CARF: variants seen among roughly 807,000 people sequenced by gnomAD.
CARF encodes the protein calcium responsive transcription factor, also known as calcium-responsive transcription factor.
A neutral mutation model predicts 82.0 loss-of-function variants in CARF; 57 were observed. The ratio of observed to expected loss-of-function variants is 0.70; its 90% CI spans 0.56 to 0.87. CARF has a LOEUF of 0.87. Among genes scored for constraint, CARF ranks in the 40% least tolerant of loss-of-function variants. The pLI, the probability that CARF is intolerant of heterozygous loss-of-function variation, is 0.00. For synonymous variants in CARF, 268 were observed against 290.1 expected, an observed-to-expected ratio of 0.92 and a Z score of 0.77; for missense variants, 771 against 855.8, an observed-to-expected ratio of 0.90 and a Z score of 1.24.
intron 2 of CARF, among the ~76,000 whole-genome samples, chr2:202,920,966 C>A (rs776078077): frequency 5.9e-5 from 9 of 152,024 alleles, no homozygotes; most frequent in Non-Finnish European, 1.5e-5. Context: ...TTTTAAAAAT[C>A]AGGATAATCA....
At chr2:202,944,356 A>G (rs893972839) in intron 5 of CARF, among the ~76,000 whole-genome samples, 9 of 152,176 alleles carry the variant, frequency 5.9e-5, no homozygotes, top group South Asian at 4.1e-4. Flanking sequence ...ATTTTCTACA[A>G]TAAATATTTT....
At chr2:202,961,988 T>C (rs1191861047) in intron 9 of CARF, 1 of 153,038 alleles carries the variant, frequency 6.5e-6, no homozygotes, top group Non-Finnish European at 1.5e-5. Flanking sequence ...TTAGACTAGT[T>C]AGAGCCCCAA....
chr2:202,949,089 AC>A (rs2058635862), intron 5 of CARF, among the ~76,000 whole-genome samples: 2 of 152,196 alleles, frequency 1.3e-5, no homozygotes, highest in Admixed American at 1.3e-4. Flanking sequence ...TAATCCCAGC[AC>A]TTTGGGAGGC....
At chr2:202,976,764 G>A (rs1299451033) in intron 13 of CARF, among the ~76,000 whole-genome samples, 1 of 142,278 alleles carries the variant, frequency 7.0e-6, no homozygotes, top group Non-Finnish European at 1.5e-5. Flanking sequence ...CAGCCAGAGT[G>A]CATTCACACA....
chr2:202,946,167 C>T (rs1344729827), intron 5 of CARF, among the ~76,000 whole-genome samples: 1 of 151,768 alleles, frequency 6.6e-6, no homozygotes, highest in Non-Finnish European at 1.5e-5. Flanking sequence ...TCATATGGAA[C>T]CAAAAAAGAG....
intron 9 of CARF, among the ~76,000 whole-genome samples, chr2:202,966,583 G>A (rs1030485778): frequency 6.6e-6 from 1 of 152,034 alleles, no homozygotes; most frequent in African/African-American, 2.4e-5. Flanking sequence ...GGTGGCACAC[G>A]CCTATAGTCC....
In CARF at chr2:202,914,600, G is replaced by A. The variant is rs547964682; in HGVS notation, c.-330+1498G>A. 4.9e-3 allele frequency among the ~76,000 whole-genome samples: 745 copies of A among 152,076 alleles called. 5 individuals carry two copies. Among genetic ancestry groups the A allele is most frequent in the Non-Finnish European group, 7.8e-3 (530 of 67,976 alleles). On this transcript the variant is annotated intron_variant, in intron 1 of 16. Transcript: ENST00000438828. ...TTGAGACCAGCCTGGCCAACATGGT[G>A]AAACCCCGTCTCTGCTAAAAATACA...
rs959313612 is a variant in CARF at position 202,951,422 on chromosome 2, C to T, written c.307-1137C>T. On this transcript the variant is annotated intron_variant, in intron 5 of 16. Transcript: ENST00000438828. Reference sequence around the variant, plus strand: ...ACCTAGCAAAAGAGGAGTCTGGGAACGTGGGTTGGAATGATTAAGGATTGT... The same window carrying T: ...ACCTAGCAAAAGAGGAGTCTGGGAATGTGGGTTGGAATGATTAAGGATTGT... Among the ~76,000 whole-genome samples, 3 of 152,068 alleles carry T rather than the reference C, an allele frequency of 2.0e-5. No individual in the cohort carries two copies. In the South Asian group the frequency reaches 6.2e-4, roughly 32 times the overall value.
chr2:202,917,021 T>C (rs1243935072), intron 1 of CARF, among the ~76,000 whole-genome samples: 1 of 151,882 alleles, frequency 6.6e-6, no homozygotes, highest in Admixed American at 6.6e-5. Flanking sequence ...CCATCCCGGC[T>C]AACACGGTGA....
At position 202,986,868 on chromosome 2, in the gene CARF, G is replaced by GTATGTATA. The variant is rs1491098285; in HGVS notation, c.*3247_*3248insGTATATAT. On this transcript the variant is annotated 3_prime_UTR_variant, in exon 17 of 17. Coordinates refer to ENST00000438828, the MANE Select transcript of CARF (RefSeq NM_024744.17). ...AAAGAGGTTTAAAAAATGTCTGTGC[G>GTATGTATA]TATATATATATATATATATATATAT... 4.0e-4 allele frequency: 12 copies of GTATGTATA among 29,652 alleles called. No individual in the cohort carries two copies. Among genetic ancestry groups the GTATGTATA allele is most frequent in the African/African-American group, 8.4e-4 (11 of 13,026 alleles). 1.8% of individuals were successfully genotyped at this position (29,652 alleles called of 1,614,324 possible). A position where few individuals can be genotyped will look rare whatever the true frequency, so the allele number is the denominator to read the frequency against.
At chr2:202,955,880 T>A (rs952770397) in intron 8 of CARF, 122 bp downstream of exon 8, 1 of 581,156 alleles carries the variant, frequency 1.7e-6, no homozygotes, top group African/African-American at 1.9e-5. Context: ...TTTGTGTTTA[T>A]GTTAAATCTG....
intron 8 of CARF, among the ~76,000 whole-genome samples, chr2:202,958,903 C>CA (rs36028794): frequency 0.32 from 28,384 of 88,700 alleles, 4,174 homozygotes; most frequent in East Asian, 0.57. Flanking sequence ...GACTCCGTCT[C>CA]AAAAAAAAAA....
In CARF at chr2:202,942,973, T is replaced by C. The variant is rs1363519875; in HGVS notation, c.306+6T>C. 3 of 1,609,826 alleles carry C rather than the reference T, an allele frequency of 1.9e-6. No individual in the cohort carries two copies. Among genetic ancestry groups the C allele is most frequent in the East Asian group, 4.5e-5 (2 of 44,854 alleles). ...GGGAATCCAATGCACAAATGGTGAGTATATTTTATAAGTAACCAGTTTTAT... is the reference window on the plus strand; with the variant it reads ...GGGAATCCAATGCACAAATGGTGAGCATATTTTATAAGTAACCAGTTTTAT... On this transcript the variant is annotated splice_donor_region_variant and intron_variant, in intron 5 of 16. Transcript: ENST00000438828.
chr2:202,965,866 C>T (rs2059527237), intron 9 of CARF, among the ~76,000 whole-genome samples: 2 of 152,122 alleles, frequency 1.3e-5, no homozygotes, highest in African/African-American at 4.8e-5. Context: ...TTATCCCAAA[C>T]GTAGTGGCTG....
intron 16 of CARF, 89 bp downstream of exon 16, chr2:202,982,530 A>T: frequency 7.0e-7 from 1 of 1,432,368 alleles, no homozygotes; most frequent in Non-Finnish European, 9.5e-7. Flanking sequence ...TATTATTTCT[A>T]CCCAGTGGGT....
chr2:202,931,453 G>A (rs540093667), intron 3 of CARF, among the ~76,000 whole-genome samples: 1 of 152,302 alleles, frequency 6.6e-6, no homozygotes, highest in African/African-American at 2.4e-5. Context: ...ATTTTTGACC[G>A]TGTGAGCAGT....
At chr2:202,938,941 A>G (rs1270724050) in intron 3 of CARF, among the ~76,000 whole-genome samples, 1 of 152,102 alleles carries the variant, frequency 6.6e-6, no homozygotes, top group African/African-American at 2.4e-5. Context: ...GTTGCTATTA[A>G]GAAGGCCACT....
intron 8 of CARF, among the ~76,000 whole-genome samples, chr2:202,958,964 T>G (rs1357883915): frequency 7.3e-6 from 1 of 137,078 alleles, no homozygotes; most frequent in Non-Finnish European, 1.6e-5. Context: ...GCATTTTGGT[T>G]CAAAATATTG....
At chr2:202,983,445 C>T (rs938494341) in intron 16 of CARF, 61 bp from the exon 17 acceptor site, 10 of 996,524 alleles carry the variant, frequency 1.0e-5, no homozygotes, top group African/African-American at 3.3e-5. Flanking sequence ...AATATTTTTC[C>T]CCTCTCTTCC....
Sources: gnomAD v4.1 joint callset for allele counts (sites outside exome capture counted in the v4.1 genomes callset) on GRCh38, gnomAD v4.1.1 for gene constraint, MANE v1.5 for transcripts, NCBI Gene and HGNC (gene_info 2026-07-23, HGNC 2026-07-21) for gene names.